The following CNKSR2 variants were observed in gnomAD, a reference collection of about 807,000 sequenced individuals.
CNKSR2 encodes connector enhancer of kinase suppressor of Ras 2, also known as CNK homolog protein 2.
A neutral mutation model predicts 84.4 loss-of-function variants in CNKSR2; 14 were observed. The ratio of observed to expected loss-of-function variants is 0.17; its 90% CI spans 0.11 to 0.26. The LOEUF (loss-of-function observed/expected upper bound fraction) is 0.26, where lower values mean the gene tolerates loss of function less well. Ranked by LOEUF, CNKSR2 falls within the 10% of genes least tolerant of loss-of-function variation. The probability of loss-of-function intolerance (pLI) is 1.00; values close to 1 mark genes in which losing one functional copy is unlikely to be tolerated. For missense variants in CNKSR2, 485 were observed against 771.2 expected (o/e 0.63, Z 4.40); for synonymous variants, 275 against 277.9 (o/e 0.99, Z 0.10).
chrX:21,610,389 C>T (rs1422692216), intron 20 of CNKSR2, among the ~76,000 whole-genome samples: 1 of 112,212 alleles, frequency 8.9e-6, no homozygotes, highest in Admixed American at 9.5e-5. Context: ...ACTAACATGA[C>T]ACATCAGTCC....
chrX:21,433,591 A>G (rs1159908634), intron 3 of CNKSR2, among the ~76,000 whole-genome samples: 1 of 108,562 alleles, frequency 9.2e-6, no homozygotes, highest in East Asian at 2.9e-4. Context: ...AGAAACTCTG[A>G]TAATATACAT....
At chrX:21,629,040 C>T (rs1042861516) in intron 20 of CNKSR2, among the ~76,000 whole-genome samples, 6 of 112,241 alleles carry the variant, frequency 5.3e-5, no homozygotes, top group African/African-American at 3.2e-5. Flanking sequence ...GAAATTCTTC[C>T]ACCAGATACC....
intron 1 of CNKSR2, among the ~76,000 whole-genome samples, chrX:21,376,110 C>T (rs1055519195): frequency 8.9e-6 from 1 of 112,486 alleles, no homozygotes; most frequent in Non-Finnish European, 1.9e-5. Context: ...GCTGAAAATG[C>T]CCGTTCCTAC....
chrX:21,514,831 A>T (rs1475364482), intron 8 of CNKSR2, among the ~76,000 whole-genome samples: 1 of 111,321 alleles, frequency 9.0e-6, no homozygotes, highest in Non-Finnish European at 1.9e-5. Context: ...TGTAATTCAA[A>T]GTGTGCATTC....
At chrX:21,579,512 A>G (rs2092341146) in intron 13 of CNKSR2, among the ~76,000 whole-genome samples, 1 of 112,362 alleles carries the variant, frequency 8.9e-6, no homozygotes, top group Non-Finnish European at 1.9e-5. Context: ...TGAGAAATAC[A>G]TCTTAGCCAA....
intron 11 of CNKSR2, among the ~76,000 whole-genome samples, chrX:21,532,898 G>A (rs774011320): frequency 2.7e-5 from 3 of 111,449 alleles, no homozygotes; most frequent in Admixed American, 9.5e-5. Flanking sequence ...TGGGAGCTGA[G>A]CAGAAGCAAA....
At chrX:21,612,316 T>C (rs1458631856) in intron 20 of CNKSR2, among the ~76,000 whole-genome samples, 1 of 112,023 alleles carries the variant, frequency 8.9e-6, no homozygotes, top group Admixed American at 9.5e-5. Context: ...CTTAACGTCC[T>C]GTACATGTCC....
chrX:21,512,333 G>T (rs918073761), intron 8 of CNKSR2, among the ~76,000 whole-genome samples: 2 of 111,063 alleles, frequency 1.8e-5, no homozygotes, highest in Non-Finnish European at 3.8e-5. Flanking sequence ...AAACTCTGGG[G>T]GTTAAAACTC....
At chrX:21,484,118 C>T in intron 5 of CNKSR2, among the ~76,000 whole-genome samples, 1 of 111,262 alleles carries the variant, frequency 9.0e-6, no homozygotes, top group African/African-American at 3.3e-5. Flanking sequence ...GGTGAAACCC[C>T]ATCTCTACTA....
intron 13 of CNKSR2, among the ~76,000 whole-genome samples, chrX:21,583,458 G>A (rs2092365918): frequency 9.0e-6 from 1 of 111,315 alleles, no homozygotes; most frequent in Non-Finnish European, 1.9e-5. Flanking sequence ...AAATCTCAAA[G>A]AGTTTTACTT....
At chrX:21,558,349 T>C (rs1388305852) in intron 11 of CNKSR2, among the ~76,000 whole-genome samples, 1 of 111,467 alleles carries the variant, frequency 9.0e-6, no homozygotes, top group Admixed American at 9.6e-5. Flanking sequence ...ACATTATTTG[T>C]TCTACCTAAA....
At chrX:21,544,636 C>G (rs2092005615) in intron 11 of CNKSR2, among the ~76,000 whole-genome samples, 1 of 111,591 alleles carries the variant, frequency 9.0e-6, no homozygotes, top group Non-Finnish European at 1.9e-5. Flanking sequence ...CTGCAGCTCC[C>G]AGAGGGATCA....
At chrX:21,595,483 G>A (rs2092446577) in intron 17 of CNKSR2, 88 bp downstream of exon 17, 1 of 525,380 alleles carries the variant, frequency 1.9e-6, no homozygotes, top group South Asian at 3.6e-5. Flanking sequence ...TGTCACTGAA[G>A]TTTCTAGGTC....
At chrX:21,535,856 A>G (rs757644890) in intron 11 of CNKSR2, among the ~76,000 whole-genome samples, 1 of 111,264 alleles carries the variant, frequency 9.0e-6, no homozygotes, top group African/African-American at 3.2e-5. Context: ...AATGCCCTTT[A>G]TTTCTTTATC....
intron 1 of CNKSR2, among the ~76,000 whole-genome samples, chrX:21,385,281 G>T (rs1442271679): frequency 9.0e-6 from 1 of 111,089 alleles, no homozygotes; most frequent in Non-Finnish European, 1.9e-5. Context: ...TGGGGATGCT[G>T]GTATTACCTA....
rs1422103793 is a variant in CNKSR2 at position 21,501,571 on chromosome X, G to A, written c.793G>A (p.Val265Ile). 2 of 1,155,274 alleles carry A rather than the reference G, an allele frequency of 1.7e-6. No homozygotes were observed. Among genetic ancestry groups the A allele is most frequent in the Non-Finnish European group, 2.3e-6 (2 of 854,034 alleles). ...CCATGCTGGCGATGAAGTGATTCAAGTTAATCATCAGACTGTGGTATGTAT... is the reference window on the plus strand; with the variant it reads ...CCATGCTGGCGATGAAGTGATTCAAATTAATCATCAGACTGTGGTATGTAT... Reference protein sequence around the residue: ...KIHAGDEVIQVNHQTVVGWQL... With the variant: ...KIHAGDEVIQINHQTVVGWQL... The change falls in exon 8 of 22, where the codon GTT (valine) becomes ATT (isoleucine). Residue 265 changes from valine to isoleucine, a missense_variant. By Grantham distance (29) the Val-to-Ile change is conservative. Around this residue, in one of 5 missense-constraint regions of CNKSR2, gnomAD observed 109 missense variants for 197.5 expected, o/e 0.55. Coordinates refer to ENST00000379510, the MANE Select transcript of CNKSR2 (RefSeq NM_014927.5).
intron 9 of CNKSR2, among the ~76,000 whole-genome samples, chrX:21,521,884 G>A (rs2091788039): frequency 9.0e-6 from 1 of 110,633 alleles, no homozygotes; most frequent in African/African-American, 3.3e-5. Context: ...TCTAGAAAAA[G>A]CTGTGAAAGA....
intron 4 of CNKSR2, among the ~76,000 whole-genome samples, chrX:21,469,670 A>C (rs928094069): frequency 6.3e-5 from 7 of 110,789 alleles, no homozygotes; most frequent in Non-Finnish European, 1.3e-4. Context: ...CAGCACTTTG[A>C]TCTGCCGAGG....
intron 2 of CNKSR2, chrX:21,426,975 T>C: frequency 4.0e-6 from 1 of 249,321 alleles, no homozygotes; most frequent in South Asian, 8.4e-5. Context: ...CACTGCCAGT[T>C]GAGAAAGGAA....
Sources: allele counts gnomAD v4.1 joint callset (sites outside exome capture counted in the v4.1 genomes callset), GRCh38; gene constraint gnomAD v4.1.1; regional missense constraint gnomAD v4.1.1; transcripts MANE v1.5; gene names NCBI Gene and HGNC (gene_info 2026-07-23, HGNC 2026-07-21).